Variants in SAMMSON observed in about 807,000 individuals in gnomAD.
SAMMSON encodes long intergenic non-protein coding RNA 1212.
chr3:70,209,364 C>A (rs1180162238), intron 4 of SAMMSON, among the ~76,000 whole-genome samples: 2 of 152,048 alleles, frequency 1.3e-5, no homozygotes, highest in Non-Finnish European at 2.9e-5. Flanking sequence ...GGTTGAAAAG[C>A]ACTGCTTTAC....
intron 4 of SAMMSON, among the ~76,000 whole-genome samples, chr3:70,102,253 C>T (rs2067349055): frequency 6.6e-6 from 1 of 152,134 alleles, no homozygotes; most frequent in Admixed American, 6.5e-5. Flanking sequence ...AATAATATAA[C>T]TTTCAAACAA....
chr3:70,403,817 A>G (rs1055962152), intron 2 of SAMMSON, among the ~76,000 whole-genome samples: 10 of 152,220 alleles, frequency 6.6e-5, no homozygotes, highest in South Asian at 2.1e-4. Flanking sequence ...ATATGTGTAT[A>G]CATAATGTAT....
intron 9 of SAMMSON, among the ~76,000 whole-genome samples, chr3:70,363,361 C>G (rs1294758811): frequency 6.6e-6 from 1 of 151,902 alleles, no homozygotes. Context: ...GAAGAGGCAT[C>G]CAAATGGAAG....
intron 3 of SAMMSON, among the ~76,000 whole-genome samples, chr3:70,020,782 T>C (rs2067010276): frequency 2.0e-5 from 3 of 152,300 alleles, no homozygotes; most frequent in Admixed American, 2.0e-4. Context: ...TCAGGCATGA[T>C]GCAAAGTAAG....
At chr3:70,065,185 A>C (rs922797305) in intron 3 of SAMMSON, 1 of 152,000 alleles carries the variant, frequency 6.6e-6, no homozygotes, top group African/African-American at 2.4e-5. Flanking sequence ...ATTTATTATC[A>C]TGTAGTTATT....
At chr3:70,267,569 A>ATTTTTG (rs1559549233) in intron 6 of SAMMSON, among the ~76,000 whole-genome samples, 2 of 30,732 alleles carry the variant, frequency 6.5e-5, no homozygotes, top group Non-Finnish European at 1.6e-4. Context: ...TGCCCGGCTA[A>ATTTTTG]TTTTTTGTAT....
At chr3:70,220,884 G>A (rs534553349) in intron 4 of SAMMSON, among the ~76,000 whole-genome samples, 1 of 152,254 alleles carries the variant, frequency 6.6e-6, no homozygotes, top group East Asian at 1.9e-4. Context: ...CATCAGGGAG[G>A]GGAACCATGC....
intron 9 of SAMMSON, among the ~76,000 whole-genome samples, chr3:70,376,159 C>G (rs1421432101): frequency 6.6e-6 from 1 of 152,236 alleles, no homozygotes; most frequent in East Asian, 1.9e-4. Flanking sequence ...CAATAAGGAA[C>G]AAGTTGATAG....
At chr3:70,071,402 CTATG>C (rs2067228877) in intron 3 of SAMMSON, 1 of 152,008 alleles carries the variant, frequency 6.6e-6, no homozygotes, top group Non-Finnish European at 1.5e-5. Flanking sequence ...TGCGTATACA[CTATG>C]TATATTTTTC....
At chr3:70,031,661 A>C (rs1298563961) in intron 3 of SAMMSON, among the ~76,000 whole-genome samples, 1 of 152,050 alleles carries the variant, frequency 6.6e-6, no homozygotes, top group East Asian at 1.9e-4. Context: ...CAGTTTTAAC[A>C]GATGGCAAAC....
At chr3:70,020,357 A>C (rs1247527781) in intron 3 of SAMMSON, among the ~76,000 whole-genome samples, 1 of 152,182 alleles carries the variant, frequency 6.6e-6, no homozygotes, top group Non-Finnish European at 1.5e-5. Context: ...ACGAAAGAGT[A>C]CAATTTTTGA....
At chr3:70,097,928 TG>T (rs1298086112) in intron 4 of SAMMSON, among the ~76,000 whole-genome samples, 1 of 152,220 alleles carries the variant, frequency 6.6e-6, no homozygotes, top group African/African-American at 2.4e-5. Context: ...GAGAAATGAA[TG>T]TATTAATCCT....
chr3:70,314,179 C>T lies in SAMMSON; in HGVS notation n.739+22936C>T, dbSNP rs183505501. On this transcript the variant is annotated intron_variant and non_coding_transcript_variant, in intron 7 of 9. Coordinates refer to ENST00000642114, the Ensembl canonical transcript of SAMMSON. ...GACAAAACTATAACCTCCTCCTCCC[C>T]CCAGTGCAACCAAGGGCCTAGCCTC... is the stretch of plus-strand genomic sequence containing the variant. Among the ~76,000 whole-genome samples, 33 of 152,220 alleles carry T rather than the reference C, an allele frequency of 2.2e-4. No individual in the cohort carries two copies. The East Asian group carries it at 5.2e-3, about 24-fold the overall frequency.
chr3:70,339,080 C>T (rs908737404), intron 7 of SAMMSON, among the ~76,000 whole-genome samples: 2 of 151,952 alleles, frequency 1.3e-5, no homozygotes, highest in African/African-American at 4.8e-5. Context: ...CAGAACAGAG[C>T]CCTAAGAAAT....
intron 3 of SAMMSON, among the ~76,000 whole-genome samples, chr3:70,041,755 T>C (rs921561384): frequency 1.3e-5 from 2 of 152,062 alleles, no homozygotes; most frequent in Non-Finnish European, 2.9e-5. Flanking sequence ...TGATTTAAAG[T>C]ATAAAAGAGG....
rs79395566 is a variant in SAMMSON at position 70,180,110 on chromosome 3, A to G, written n.508-68997A>G. On this transcript the variant is annotated intron_variant and non_coding_transcript_variant, in intron 4 of 9. Transcript: ENST00000642114. ...TTTGAGTGATGGCATAATAAACTGAAATTCAGTTGTCCTTAAAGAAAAAAT... is the reference window on the plus strand; with the variant it reads ...TTTGAGTGATGGCATAATAAACTGAGATTCAGTTGTCCTTAAAGAAAAAAT... Among the ~76,000 whole-genome samples the G allele has an allele frequency of 3.4e-3, 514 of 152,168 alleles. 4 individuals are homozygous for G. Among genetic ancestry groups the G allele is most frequent in the African/African-American group, 0.012 (500 of 41,520 alleles).
chr3:70,152,016 T>C (rs2067573960), intron 4 of SAMMSON, among the ~76,000 whole-genome samples: 1 of 152,034 alleles, frequency 6.6e-6, no homozygotes, highest in East Asian at 1.9e-4. Context: ...AAGGAAAGCA[T>C]AGCTGTGTTT....
At chr3:70,433,924 T>C (rs9861432) in intron 2 of SAMMSON, among the ~76,000 whole-genome samples, 32,520 of 152,062 alleles carry the variant, frequency 0.21, 3,736 homozygotes, top group African/African-American at 0.29. Context: ...TTTAATACTT[T>C]GTTCCTTTGT....
At chr3:70,170,028 T>C (rs893149832) in intron 4 of SAMMSON, among the ~76,000 whole-genome samples, 1 of 151,960 alleles carries the variant, frequency 6.6e-6, no homozygotes, top group South Asian at 2.1e-4. Flanking sequence ...CCTTATTGCC[T>C]TTAGCCCTCT....
Sources: gnomAD v4.1 joint callset for allele counts (sites outside exome capture counted in the v4.1 genomes callset) on GRCh38, gnomAD v4.1.1 for gene constraint, MANE v1.5 for transcripts, NCBI Gene and HGNC (gene_info 2026-07-23, HGNC 2026-07-21) for gene names.